The following ARID3A variants were observed in gnomAD, a reference collection of about 807,000 sequenced individuals.
The protein encoded by ARID3A is AT-rich interactive domain-containing protein 3A.
A neutral mutation model predicts 52.7 loss-of-function variants in ARID3A; 11 were observed. The observed-to-expected ratio is 0.21, with a 90% CI of 0.13 to 0.35. ARID3A has a LOEUF of 0.35. ARID3A is among the 10% of genes least tolerant of loss of function. The probability of loss-of-function intolerance (pLI) is 1.00; values close to 1 mark genes in which losing one functional copy is unlikely to be tolerated. For synonymous variants in ARID3A, 404 were observed against 359.4 expected, an observed-to-expected ratio of 1.12 and a Z score of -1.40; for missense variants, 721 against 838.5, an observed-to-expected ratio of 0.86 and a Z score of 1.73.
rs566706233 is a variant in ARID3A, at chr19:938,772, G to A, written c.693+6030G>A. 2.7e-4 allele frequency among the ~76,000 whole-genome samples: 41 copies of A among 152,212 alleles called. No homozygotes were observed. The highest frequency in any genetic ancestry group is 2.4e-3 in the Admixed American group (37 of 15,284). On this transcript the variant is annotated intron_variant, in intron 3 of 8. Transcript: ENST00000263620. This position sits in a 1 kb window ranked among gnomAD's most constrained non-coding sequence, Gnocchi z 4.0. Reference sequence around the variant, plus strand: ...CTCGCTGGGCCCAGCCCCAGAGACCGCTGGGTCCTCACCACGGTGCCTGCC... The same window carrying A: ...CTCGCTGGGCCCAGCCCCAGAGACCACTGGGTCCTCACCACGGTGCCTGCC...
chr19:953,343 C>A (rs2037841803), intron 3 of ARID3A, among the ~76,000 whole-genome samples: 1 of 152,058 alleles, frequency 6.6e-6, no homozygotes. Context: ...GGTTATCTCA[C>A]TTTTTCCTCC....
At chr19:925,926 T>C (rs1273057434), upstream of ARID3A, 1 of 137,054 alleles carries the variant, frequency 7.3e-6, no homozygotes, top group African/African-American at 2.7e-5. Flanking sequence ...GCCAGGTATT[T>C]GCATCCGAGA....
chr19:931,767 T>C (rs1308284538), intron 2 of ARID3A, among the ~76,000 whole-genome samples: 9 of 148,748 alleles, frequency 6.1e-5, no homozygotes, highest in Admixed American at 2.0e-4. Flanking sequence ...GAGCCGAGAT[T>C]GCGCCGTTGC....
At chr19:968,910 T>A (rs2038220099) in intron 8 of ARID3A, 1 of 155,952 alleles carries the variant, frequency 6.4e-6, no homozygotes, top group Admixed American at 6.4e-5. Context: ...TGCCTCGGCG[T>A]CCCAAAGTGC....
rs1339690164 is a variant in ARID3A, at chr19:964,577, G to A, written c.950+146G>A. The A allele has an allele frequency of 2.8e-5, 35 of 1,252,208 alleles. No individual in the cohort carries two copies. The highest frequency in any genetic ancestry group is 7.7e-5 in the South Asian group (5 of 64,820). The allele number at this position is 1,252,208 out of a possible 1,614,324, so 77.6% of individuals were successfully genotyped here. A position where few individuals can be genotyped will look rare whatever the true frequency, so the allele number is the denominator to read the frequency against. On this transcript the variant is annotated intron_variant, in intron 5 of 8. Transcript: ENST00000263620. The surrounding 1 kb of genome is among the most constrained non-coding windows in gnomAD (Gnocchi z 5.7). The stretch of plus-strand genomic sequence containing the variant: ...CAAAGGGCACAGGGCCACACCGTGC[G>A]TCCAGGGCCCGAGAGCGTCAAGTAG...
At chr19:937,159 C>T (rs28768802) in intron 3 of ARID3A, among the ~76,000 whole-genome samples, 15,646 of 151,466 alleles carry the variant, frequency 0.1, 1,132 homozygotes, top group East Asian at 0.41. Flanking sequence ...TCCCAGCACT[C>T]GGGAGGTTGA....
At position 968,511 on chromosome 19, in the gene ARID3A, C is replaced by A; in HGVS notation, c.1594+8C>A. ...ACGGCATCATGTACACAGGTAGGAC[C>A]CCTGAGGCCACGCCCTGCCTGGACC... is the stretch of plus-strand genomic sequence containing the variant. On this transcript the variant is annotated splice_region_variant and intron_variant, in intron 8 of 8. Transcript: ENST00000263620. The A allele has an allele frequency of 4.3e-6, 7 of 1,613,134 alleles. No individual in the cohort carries two copies. The highest frequency in any genetic ancestry group is 5.1e-6 in the Non-Finnish European group (6 of 1,179,482).
In ARID3A at chr19:941,938, A is replaced by G. The variant is rs1004134895; in HGVS notation, c.693+9196A>G. ...GACAGACGACCTTCCTGTGTGCCTG[A>G]GCATTTGGGAGCCTCGTGCTGGACC... On this transcript the variant is annotated intron_variant, in intron 3 of 8. Transcript: ENST00000263620. The surrounding 1 kb of genome is among the most constrained non-coding windows in gnomAD (Gnocchi z 6.9). Among the ~76,000 whole-genome samples the G allele has an allele frequency of 1.3e-5, 2 of 151,684 alleles. No individual in the cohort carries two copies. Among genetic ancestry groups the G allele is most frequent in the African/African-American group, 4.9e-5 (2 of 41,232 alleles).
intron 4 of ARID3A, among the ~76,000 whole-genome samples, chr19:962,735 G>A (rs1330584566): frequency 2.6e-5 from 4 of 151,924 alleles, no homozygotes; most frequent in African/African-American, 9.7e-5. Context: ...GGCTGGTCTC[G>A]AACTCCTGAC....
chr19:957,505 T>G (rs142736649), intron 3 of ARID3A, among the ~76,000 whole-genome samples: 1 of 152,188 alleles, frequency 6.6e-6, no homozygotes, highest in African/African-American at 2.4e-5. Context: ...AGCGATTTGC[T>G]GTGTGAACTC....
rs533757586 is a variant in ARID3A at position 969,790 on chromosome 19, C to T, written c.1594+1287C>T. Reference sequence around the variant, plus strand: ...GCAACCTGTGCCTCCTGGGTTCGAGCGATTCTCCTGCCTCAGCCTCCCCAA... The same window carrying T: ...GCAACCTGTGCCTCCTGGGTTCGAGTGATTCTCCTGCCTCAGCCTCCCCAA... On this transcript the variant is annotated intron_variant, in intron 8 of 8. Transcript: ENST00000263620. Among the ~76,000 whole-genome samples, 14 of 150,584 alleles carry T rather than the reference C, an allele frequency of 9.3e-5. No individual in the cohort carries two copies. In the South Asian group the frequency reaches 2.1e-3, roughly 23 times the overall value.
At chr19:952,988 TGGCCCC>T (rs2037834494) in intron 3 of ARID3A, among the ~76,000 whole-genome samples, 1 of 152,166 alleles carries the variant, frequency 6.6e-6, no homozygotes, top group African/African-American at 2.4e-5. Context: ...CCGCATGTGC[TGGCCCC>T]GGCCACCCTC....
chr19:965,063 C>T lies in ARID3A; in HGVS notation c.1181C>T (p.Ala394Val), dbSNP rs762844219. 3.7e-6 allele frequency: 6 copies of T among 1,610,718 alleles called. No individual in the cohort carries two copies. The Admixed American group carries it at 8.3e-5, about 22-fold the overall frequency. Residue 394 changes from alanine to valine, a missense_variant, in exon 6 of 9, where the codon GCC (alanine) becomes GTC (valine). Physicochemically the swap from Ala to Val is moderately conservative, Grantham distance 64. Coordinates refer to ENST00000263620, the MANE Select transcript of ARID3A (RefSeq NM_005224.3). ...ASTNGSSITP[A>V]PKIKKEEDSA... ...ACCAATGGCAGCTCCATCACCCCCG[C>T]CCCTAAGATCAAGAAAGGTAAGGGC...
rs1230286406 is a variant in ARID3A at position 966,630 on chromosome 19, C to T, written c.1257C>T (p.Gly419=). ...GCCGCCTGCCTGTGTCCCTGGCGGG[C>T]CACCCTGTGGTGGCAGCCCAGGCAG... ...VPGRLPVSLA[G]HPVVAAQAAA... is the part of the protein sequence containing the mutation. Residue 419 remains glycine, a synonymous_variant, in exon 7 of 9, where the codon GGC becomes GGT. Transcript: ENST00000263620. The T allele has an allele frequency of 1.3e-6, 2 of 1,597,316 alleles. No homozygotes were observed. The highest frequency in any genetic ancestry group is 1.7e-5 in the Admixed American group (1 of 59,254).
rs1325953118 is a variant in ARID3A, at chr19:972,228, T to TAG, written c.*164_*165insGA. ...CCAAAAAGAAAAGAAAAAAGATATA[T>TAG]ATATATATATATATATATACACGTA... On this transcript the variant is annotated 3_prime_UTR_variant, in exon 9 of 9. Transcript: ENST00000263620. The TAG allele has an allele frequency of 1.4e-5, 3 of 214,978 alleles. No homozygotes were observed. The highest frequency in any genetic ancestry group is 1.8e-5 in the Non-Finnish European group (2 of 108,532). 13.3% of individuals were successfully genotyped at this position (214,978 alleles called of 1,614,324 possible).
rs375326157 is a variant in ARID3A at position 974,846 on chromosome 19, G to A, written c.*2781G>A. ...AGGACTTGAGCCTGCTGTTAACTCC[G>A]ATGATTGTAGGGACAGGCGGGGTGG... On this transcript the variant is annotated 3_prime_UTR_variant, in exon 9 of 9. Coordinates refer to ENST00000263620, the MANE Select transcript of ARID3A (RefSeq NM_005224.3). 6.3e-5 allele frequency: 9 copies of A among 142,812 alleles called. No homozygotes were observed. Among genetic ancestry groups the A allele is most frequent in the East Asian group, 4.4e-4 (2 of 4,506 alleles). The allele number at this position is 142,812 out of a possible 1,614,324, so 8.8% of individuals were successfully genotyped here.
In ARID3A at chr19:964,207, G is replaced by A; in HGVS notation, c.767-41G>A. On this transcript the variant is annotated intron_variant, in intron 4 of 8. Transcript: ENST00000263620. This position sits in a 1 kb window ranked among gnomAD's most constrained non-coding sequence, Gnocchi z 5.7. ...GCCAGGACACTCGGCTCCCTGCAGT[G>A]CCCAGGTGGCCCCCAACCTCCCTCT... 6.4e-7 allele frequency: 1 copy of A among 1,557,418 alleles called. No individual in the cohort carries two copies. Among genetic ancestry groups the A allele is most frequent in the Non-Finnish European group, 8.8e-7 (1 of 1,138,888 alleles).
At chr19:971,289 G>T (rs1210632896) in intron 8 of ARID3A, among the ~76,000 whole-genome samples, 1 of 152,126 alleles carries the variant, frequency 6.6e-6, no homozygotes, top group Non-Finnish European at 1.5e-5. Flanking sequence ...GCAACATATT[G>T]AGAGCCCATC....
chr19:962,807 G>A (rs536962997), intron 4 of ARID3A, among the ~76,000 whole-genome samples: 36 of 152,272 alleles, frequency 2.4e-4, no homozygotes, highest in South Asian at 1.2e-3. Flanking sequence ...GAGCCACCGC[G>A]CCCGGCCTGA....
Sources: allele counts gnomAD v4.1 joint callset (sites outside exome capture counted in the v4.1 genomes callset), GRCh38; gene constraint gnomAD v4.1.1; non-coding constraint Gnocchi (gnomAD v3.1); transcripts MANE v1.5; gene names NCBI Gene and HGNC (gene_info 2026-07-23, HGNC 2026-07-21).